CRTAC1: variants seen among roughly 807,000 people sequenced by gnomAD.
The protein encoded by CRTAC1 is cartilage acidic protein 1.
CRTAC1 carries 37 observed loss-of-function variants against 67.8 expected under a neutral mutation model. The ratio of observed to expected loss-of-function variants is 0.55; its 90% confidence interval spans 0.42 to 0.72. The LOEUF (loss-of-function observed/expected upper bound fraction) is 0.72, where lower values mean the gene tolerates loss of function less well. Among genes scored for constraint, CRTAC1 ranks in the 30% least tolerant of loss-of-function variants. CRTAC1 has a pLI of 0.00. For synonymous variants in CRTAC1, 348 were observed against 371.0 expected, an observed-to-expected ratio of 0.94 and a Z score of 0.71; for missense variants, 780 against 931.6, an observed-to-expected ratio of 0.84 and a Z score of 2.12.
intron 14 of CRTAC1, among the ~76,000 whole-genome samples, chr10:97,872,108 C>T (rs1411625092): frequency 6.7e-6 from 1 of 148,798 alleles, no homozygotes; most frequent in African/African-American, 2.5e-5. Flanking sequence ...CTTACTCACT[C>T]CCCACCCCCA....
Position 98,030,382 on chromosome 10 carries a change from G to C in CRTAC1, c.24+67C>G. ...CCCGCCACCCTTGCGGGCGGATCCG[G>C]GGGGGCGCGCAGAGCTGGAGAAACT... is the stretch of plus-strand genomic sequence containing the variant. On this transcript the variant is annotated intron_variant, in intron 1 of 14. Coordinates refer to ENST00000370597, the MANE Select transcript of CRTAC1 (RefSeq NM_018058.7). This position sits in a 1 kb window ranked among gnomAD's most constrained non-coding sequence, Gnocchi z 4.2. 2 of 1,031,528 alleles carry C rather than the reference G, an allele frequency of 1.9e-6. No homozygotes were observed. Among genetic ancestry groups the C allele is most frequent in the Non-Finnish European group, 2.5e-6 (2 of 790,802 alleles). 63.9% of individuals were successfully genotyped at this position (1,031,528 alleles called of 1,614,324 possible).
At chr10:97,904,573 C>T in intron 7 of CRTAC1, 96 bp downstream of exon 7, 1 of 1,279,912 alleles carries the variant, frequency 7.8e-7, no homozygotes, top group Non-Finnish European at 1.0e-6. Flanking sequence ...GCACGCACCA[C>T]CACACCTGGC....
chr10:97,994,253 C>A (rs1842514343), intron 2 of CRTAC1, among the ~76,000 whole-genome samples: 1 of 152,144 alleles, frequency 6.6e-6, no homozygotes. Flanking sequence ...CCTTCACAAA[C>A]CTAGGTTAAC....
At position 97,975,199 on chromosome 10, in the gene CRTAC1, T is replaced by C. The variant is rs976326035; in HGVS notation, c.224+35939A>G. Among the ~76,000 whole-genome samples, 6 of 152,144 alleles carry C rather than the reference T, an allele frequency of 3.9e-5. No homozygotes were observed. Among genetic ancestry groups the C allele is most frequent in the Admixed American group, 3.3e-4 (5 of 15,284 alleles). On this transcript the variant is annotated intron_variant, in intron 2 of 14. Transcript: ENST00000370597. The surrounding 1 kb of genome is among the most constrained non-coding windows in gnomAD (Gnocchi z 4.8). Reference sequence around the variant, plus strand: ...CACAAGGATCGTCTACAAATTTATATGTCGGCATTTAACACAAAATGCTCT... The same window carrying C: ...CACAAGGATCGTCTACAAATTTATACGTCGGCATTTAACACAAAATGCTCT...
In CRTAC1 at chr10:97,936,255, C is replaced by T; in HGVS notation, c.336G>A (p.Gly112=). The change falls in exon 3 of 15, where the codon GGG becomes GGA. Residue 112 remains glycine (G), a synonymous_variant. Transcript: ENST00000370597. ...SPYYALRDRQ[G]NAIGVTACDI... ...CGCAGGCTGTGACCCCGATGGCGTT[C>T]CCCTGCCGGTCCCGCAGCGCGTAGT... is the stretch of plus-strand genomic sequence containing the variant. 6 of 1,614,174 alleles carry T rather than the reference C, an allele frequency of 3.7e-6. No homozygotes were observed. The highest frequency in any genetic ancestry group is 5.1e-6 in the Non-Finnish European group (6 of 1,180,002).
intron 3 of CRTAC1, among the ~76,000 whole-genome samples, chr10:97,933,863 A>G (rs978606963): frequency 3.9e-5 from 6 of 152,192 alleles, no homozygotes; most frequent in East Asian, 1.9e-4. Context: ...GGTCTTTACC[A>G]TCTGGTGACT....
chr10:97,997,147 A>G (rs1406805528), intron 2 of CRTAC1, among the ~76,000 whole-genome samples: 2 of 149,702 alleles, frequency 1.3e-5, no homozygotes, highest in East Asian at 3.9e-4. Context: ...ATGATGAGTT[A>G]ATGGGTGCAG....
intron 14 of CRTAC1, chr10:97,871,450 A>G (rs1257514502): frequency 6.6e-6 from 1 of 152,254 alleles, no homozygotes; most frequent in Non-Finnish European, 1.5e-5. Context: ...CAGAAGTGAT[A>G]CTAGGACCTC....
At chr10:97,910,821 C>G (rs150658965) in intron 5 of CRTAC1, among the ~76,000 whole-genome samples, 1 of 152,166 alleles carries the variant, frequency 6.6e-6, no homozygotes, top group African/African-American at 2.4e-5. Context: ...ACTCTTATTG[C>G]GCTCATAGTT....
In CRTAC1 at chr10:98,030,241, A is replaced by G. The variant is rs1294543271; in HGVS notation, c.24+208T>C. Among the ~76,000 whole-genome samples the G allele has an allele frequency of 2.0e-5, 3 of 149,686 alleles. No individual in the cohort carries two copies. The highest frequency in any genetic ancestry group is 7.4e-5 in the African/African-American group (3 of 40,412). Reference sequence around the variant, plus strand: ...CCACCTCCAACCCGGCCGCCGCCTCACCCCCAGCCCGCGGGGGAGGCTCCG... The same window carrying G: ...CCACCTCCAACCCGGCCGCCGCCTCGCCCCCAGCCCGCGGGGGAGGCTCCG... On this transcript the variant is annotated intron_variant, in intron 1 of 14. Coordinates refer to ENST00000370597, the MANE Select transcript of CRTAC1 (RefSeq NM_018058.7). The surrounding 1 kb of genome is among the most constrained non-coding windows in gnomAD (Gnocchi z 4.2).
chr10:97,921,019 C>G (rs1380126364), intron 4 of CRTAC1, among the ~76,000 whole-genome samples: 1 of 151,930 alleles, frequency 6.6e-6, no homozygotes, highest in Non-Finnish European at 1.5e-5. Flanking sequence ...AGAGAGAGAA[C>G]AGCACATGGC....
rs2050253387 is a variant in CRTAC1 at position 97,884,360 on chromosome 10, CAGA to C, written c.1487-12_1487-10del. 1 of 1,550,662 alleles carries C rather than the reference CAGA, an allele frequency of 6.4e-7. No homozygotes were observed. Among genetic ancestry groups the C allele is most frequent in the African/African-American group, 1.4e-5 (1 of 73,044 alleles). ...GCTGGCTTCATCCTTCCCTGAGGGG[CAGA>C]AGGAGAGAGCATCAGCAGCAGAGGA... is the stretch of plus-strand genomic sequence containing the variant. On this transcript the variant is annotated splice_polypyrimidine_tract_variant and intron_variant, in intron 11 of 14. Transcript: ENST00000370597.
intron 2 of CRTAC1, among the ~76,000 whole-genome samples, chr10:97,973,450 C>G (rs1297628178): frequency 6.7e-6 from 1 of 150,096 alleles, no homozygotes; most frequent in Non-Finnish European, 1.5e-5. Flanking sequence ...CATCTCAAAA[C>G]TGGACTCCTC....
At chr10:97,997,401 C>T (rs1323028730) in intron 2 of CRTAC1, among the ~76,000 whole-genome samples, 2 of 140,952 alleles carry the variant, frequency 1.4e-5, no homozygotes, top group East Asian at 2.0e-4. Flanking sequence ...TGCAGTGAGC[C>T]GAGATACTGC....
intron 11 of CRTAC1, among the ~76,000 whole-genome samples, chr10:97,890,654 C>CTCTTT (rs557208113): frequency 1.3e-5 from 2 of 151,658 alleles, no homozygotes; most frequent in Admixed American, 6.6e-5. Context: ...ATTTTCTTTT[C>CTCTTT]TCTTTTCTTT....
intron 5 of CRTAC1, among the ~76,000 whole-genome samples, chr10:97,910,354 C>A (rs2136578090): frequency 6.6e-6 from 1 of 152,278 alleles, no homozygotes; most frequent in South Asian, 2.1e-4. Flanking sequence ...CTGCTCAGAG[C>A]CAGGTCTGAG....
intron 2 of CRTAC1, among the ~76,000 whole-genome samples, chr10:97,965,805 C>T (rs570264810): frequency 6.6e-6 from 1 of 152,344 alleles, no homozygotes; most frequent in Admixed American, 6.5e-5. Flanking sequence ...TTCTGGGCTC[C>T]TCAGTGAACT....
chr10:97,939,503 C>G (rs1564903915), intron 2 of CRTAC1, among the ~76,000 whole-genome samples: 2 of 152,260 alleles, frequency 1.3e-5, no homozygotes, highest in South Asian at 4.1e-4. Context: ...ACCAACAGCT[C>G]CTAGGTTGGG....
At chr10:97,938,243 G>C (rs1181789605) in intron 2 of CRTAC1, among the ~76,000 whole-genome samples, 1 of 152,194 alleles carries the variant, frequency 6.6e-6, no homozygotes, top group African/African-American at 2.4e-5. Context: ...CAGGTACTTG[G>C]GTTCCAGCAC....
Sources: gnomAD v4.1 joint callset for allele counts (sites outside exome capture counted in the v4.1 genomes callset) on GRCh38, gnomAD v4.1.1 for gene constraint, Gnocchi (gnomAD v3.1) non-coding constraint, MANE v1.5 for transcripts, NCBI Gene and HGNC (gene_info 2026-07-23, HGNC 2026-07-21) for gene names.